RNF17: variants seen among roughly 807,000 people sequenced by gnomAD.
RNF17 encodes ring finger protein 17, also known as spermatogenesis associated 23.
A neutral mutation model predicts 200.5 loss-of-function variants in RNF17; 31 were observed. The observed-to-expected ratio is 0.15, with a 90% CI of 0.12 to 0.21. The LOEUF (loss-of-function observed/expected upper bound fraction) is 0.21. Among genes scored for constraint, RNF17 ranks in the 10% least tolerant of loss-of-function variants. The pLI, the probability that RNF17 is intolerant of heterozygous loss-of-function variation, is 1.00. For synonymous variants in RNF17, 606 were observed against 637.8 expected, an observed-to-expected ratio of 0.95 and a Z score of 0.75; for missense variants, 1,628 against 1,905.1, an observed-to-expected ratio of 0.85 and a Z score of 2.71.
chr13:24,831,802 C>A, intron 17 of RNF17, 56 bp from the exon 18 acceptor site: 2 of 1,481,436 alleles, frequency 1.4e-6, no homozygotes, highest in Non-Finnish European at 1.8e-6. Context: ...AACTTGAATT[C>A]TAAAGTAGGT....
intron 15 of RNF17, among the ~76,000 whole-genome samples, chr13:24,817,585 G>C (rs920705418): frequency 1.8e-4 from 28 of 151,976 alleles, no homozygotes; most frequent in African/African-American, 6.5e-4. Flanking sequence ...CAGCTGTGGT[G>C]GTGGGCACCT....
chr13:24,776,374 G>A (rs1250821209), intron 3 of RNF17, among the ~76,000 whole-genome samples: 1 of 152,134 alleles, frequency 6.6e-6, no homozygotes, highest in East Asian at 1.9e-4. Context: ...TCTCTTTGCA[G>A]ACCTAAATGA....
intron 6 of RNF17, among the ~76,000 whole-genome samples, chr13:24,783,393 T>G (rs1882693224): frequency 1.3e-5 from 2 of 152,194 alleles, no homozygotes; most frequent in Non-Finnish European, 2.9e-5. Flanking sequence ...CATAGGACTT[T>G]TAAGATGGAC....
intron 20 of RNF17, 27 bp downstream of exon 20, chr13:24,843,998 G>A (rs1370206912): frequency 3.1e-6 from 2 of 641,518 alleles, no homozygotes; most frequent in Non-Finnish European, 4.7e-6. Flanking sequence ...TAATATATAA[G>A]GAAAATATTG....
At position 24,844,999 on chromosome 13, in the gene RNF17, T is replaced by C. The variant is rs1016990589; in HGVS notation, c.3021T>C (p.Asn1007=). 5 of 1,607,270 alleles carry C rather than the reference T, an allele frequency of 3.1e-6. No homozygotes were observed. The highest frequency in any genetic ancestry group is 4.3e-6 in the Non-Finnish European group (5 of 1,174,012). ...LYDVGVELVV[N]VDCLRKLEEN... ...ATGTGGGTGTTGAACTAGTAGTGAA[T>C]GTTGACTGTTTAAGAAAACTTGAAG... is the stretch of plus-strand genomic sequence containing the variant. Residue 1007 remains asparagine, a synonymous_variant, in exon 22 of 36, where the codon AAT becomes AAC. Coordinates refer to ENST00000255324, the MANE Select transcript of RNF17 (RefSeq NM_031277.3).
intron 10 of RNF17, among the ~76,000 whole-genome samples, chr13:24,793,981 C>T (rs531793316): frequency 1.3e-5 from 2 of 152,320 alleles, no homozygotes; most frequent in Non-Finnish European, 2.9e-5. Flanking sequence ...CTTCTTTCCA[C>T]TGTATTATCA....
At chr13:24,778,509 T>C (rs1881896818) in intron 4 of RNF17, 103 bp downstream of exon 4, 1 of 793,786 alleles carries the variant, frequency 1.3e-6, no homozygotes, top group South Asian at 1.5e-5. Flanking sequence ...TTTTGGAAGT[T>C]TATACGTAAC....
intron 15 of RNF17, among the ~76,000 whole-genome samples, chr13:24,815,431 GT>G (rs1566172078): frequency 0.025 from 291 of 11,506 alleles, 2 homozygotes; most frequent in South Asian, 0.05. Context: ...CTAACGGGGT[GT>G]GTGTGTGTGT....
chr13:24,803,564 G>A (rs1368833662), intron 14 of RNF17, among the ~76,000 whole-genome samples: 3 of 152,174 alleles, frequency 2.0e-5, no homozygotes, highest in Non-Finnish European at 2.9e-5. Flanking sequence ...GATTACAGGC[G>A]TGAGCCACAG....
chr13:24,882,953 A>G (rs1339842672), downstream of RNF17: 8 of 546,084 alleles, frequency 1.5e-5, no homozygotes, highest in Non-Finnish European at 2.6e-5. Context: ...AAACAGTCAA[A>G]ATGCTTTCCT....
chr13:24,772,595 A>G (rs973129646), intron 2 of RNF17, among the ~76,000 whole-genome samples: 10 of 151,902 alleles, frequency 6.6e-5, no homozygotes, highest in Non-Finnish European at 1.3e-4. Flanking sequence ...GGCAAAGGAC[A>G]TGAACAGACA....
downstream of RNF17, among the ~76,000 whole-genome samples, chr13:24,884,717 T>C (rs1953961631): frequency 6.6e-6 from 1 of 152,218 alleles, no homozygotes; most frequent in African/African-American, 2.4e-5. Flanking sequence ...AAGTAGACTT[T>C]GTACAGGAAA....
intron 15 of RNF17, among the ~76,000 whole-genome samples, chr13:24,809,039 C>T (rs1010048770): frequency 1.7e-4 from 26 of 151,918 alleles, no homozygotes; most frequent in African/African-American, 4.6e-4. Flanking sequence ...CTGCTGGATT[C>T]GGTTTGCCAG....
the RNF17 span, among the ~76,000 whole-genome samples, chr13:24,752,735 G>A: frequency 6.6e-6 from 1 of 152,240 alleles, no homozygotes; most frequent in African/African-American, 2.4e-5. Context: ...GCTCGCTCTT[G>A]CTGTGCTGCC....
At chr13:24,796,818 G>T (rs937539856) in intron 11 of RNF17, among the ~76,000 whole-genome samples, 2 of 152,110 alleles carry the variant, frequency 1.3e-5, no homozygotes, top group African/African-American at 2.4e-5. Context: ...TTCTTATAAC[G>T]TTGACTGAAT....
At chr13:24,769,031 G>T (rs1880260618) in intron 2 of RNF17, among the ~76,000 whole-genome samples, 1 of 141,782 alleles carries the variant, frequency 7.1e-6, no homozygotes, top group Admixed American at 7.1e-5. Flanking sequence ...CCTTAGACGT[G>T]GCTGGCTATG....
At chr13:24,871,633 C>CT (rs143831233) in intron 32 of RNF17, among the ~76,000 whole-genome samples, 28,197 of 127,940 alleles carry the variant, frequency 0.22, 3,753 homozygotes, top group Non-Finnish European at 0.29. Context: ...CTTGCCCAGC[C>CT]TTTTTTTTTT....
At chr13:24,790,812 G>C (rs1430960102) in intron 9 of RNF17, among the ~76,000 whole-genome samples, 1 of 152,144 alleles carries the variant, frequency 6.6e-6, no homozygotes, top group Non-Finnish European at 1.5e-5. Flanking sequence ...ATCTTCACAA[G>C]GTGGAAGAGC....
At chr13:24,790,357 A>C (rs1883692111) in intron 9 of RNF17, among the ~76,000 whole-genome samples, 2 of 152,142 alleles carry the variant, frequency 1.3e-5, no homozygotes, top group Admixed American at 6.5e-5. Context: ...CATAGATGCT[A>C]AGTCTTAAAG....
Sources: gnomAD v4.1 joint callset for allele counts (sites outside exome capture counted in the v4.1 genomes callset) on GRCh38, gnomAD v4.1.1 for gene constraint, MANE v1.5 for transcripts, NCBI Gene and HGNC (gene_info 2026-07-23, HGNC 2026-07-21) for gene names.